Variants in ANKRD17 observed in about 807,000 individuals in gnomAD.
ANKRD17 encodes the protein ankyrin repeat domain 17, also known as ankyrin repeat domain-containing protein 17.
A neutral mutation model predicts 229.7 loss-of-function variants in ANKRD17; 19 were observed. That is an observed-to-expected ratio of 0.08 (90% CI 0.06 to 0.12). The LOEUF is 0.12. Ranked by LOEUF, ANKRD17 falls within the 10% of genes least tolerant of loss-of-function variation. ANKRD17 has a pLI of 1.00. For synonymous variants in ANKRD17, 1,112 were observed against 1,146.1 expected (o/e 0.97, Z 0.60); for missense variants, 2,176 against 3,176.8 (o/e 0.68, Z 7.57).
intron 2 of ANKRD17, among the ~76,000 whole-genome samples, chr4:73,164,737 A>G (rs1322447571): frequency 6.6e-6 from 1 of 151,868 alleles, no homozygotes; most frequent in Non-Finnish European, 1.5e-5. Flanking sequence ...GGTTGCAGTG[A>G]GCCAAGATTG....
intron 30 of ANKRD17, among the ~76,000 whole-genome samples, chr4:73,079,400 A>T (rs191346964): frequency 3.5e-4 from 54 of 152,238 alleles, no homozygotes; most frequent in Non-Finnish European, 6.5e-4. Flanking sequence ...TATTTTATTT[A>T]TGTATTTTTG....
At chr4:73,215,100 T>G (rs993689492) in intron 1 of ANKRD17, among the ~76,000 whole-genome samples, 1 of 152,110 alleles carries the variant, frequency 6.6e-6, no homozygotes, top group African/African-American at 2.4e-5. Flanking sequence ...CAAGAACGAA[T>G]GATATGAGCC....
At position 73,092,062 on chromosome 4, in the gene ANKRD17, C is replaced by A. The variant is rs1722847324; in HGVS notation, c.5566G>T (p.Ala1856Ser). Residue 1856 changes from alanine (A) to serine (S), a missense_variant, in exon 29 of 34, where the codon GCA (alanine) becomes TCA (serine). Ala to Ser is a moderately conservative substitution (Grantham distance 99, BLOSUM62 1). Transcript: ENST00000358602. ...SQTATALTVPAISSASTHKTI... is the reference protein window; with the variant it reads ...SQTATALTVPSISSASTHKTI... ...TTGTGAGTGGATGCAGAAGAAATTG[C>A]AGGCACAGTGAGTGCTGTGGCAGTT... The A allele has an allele frequency of 6.2e-7, 1 of 1,614,062 alleles. No homozygotes were observed. Among genetic ancestry groups the A allele is most frequent in the Non-Finnish European group, 8.5e-7 (1 of 1,180,046 alleles).
At position 73,258,083 on chromosome 4, in the gene ANKRD17, C is replaced by A. The variant is rs573742524; in HGVS notation, c.393+193G>T. On this transcript the variant is annotated intron_variant, in intron 1 of 33. Coordinates refer to ENST00000358602, the MANE Select transcript of ANKRD17 (RefSeq NM_032217.5). Reference sequence around the variant, plus strand: ...TGTGAACTCCGTGGTCCTCCCACCCCCACGTGTCAGCTACCCTCCCCCACA... The same window carrying A: ...TGTGAACTCCGTGGTCCTCCCACCCACACGTGTCAGCTACCCTCCCCCACA... Among the ~76,000 whole-genome samples the A allele has an allele frequency of 4.6e-5, 7 of 152,012 alleles. No homozygotes were observed. In the South Asian group the frequency reaches 1.2e-3, roughly 27 times the overall value.
At position 73,177,402 on chromosome 4, in the gene ANKRD17, C is replaced by T. The variant is rs763420010; in HGVS notation, c.525G>A (p.Leu175=). 1.9e-6 allele frequency: 3 copies of T among 1,609,676 alleles called. No homozygotes were observed. Among genetic ancestry groups the T allele is most frequent in the Non-Finnish European group, 2.5e-6 (3 of 1,177,168 alleles). ...RTVDPETQAR[L]EALLEAAGIG... ...TACCTGCAGCTTCTAGTAAAGCTTC[C>T]AGTCTAGCCTGTGTTTCTGGATCTA... The change falls in exon 2 of 34, where the codon CTG becomes CTA. Residue 175 remains leucine, a synonymous_variant. Transcript: ENST00000358602.
In ANKRD17 at chr4:73,201,350, C is replaced by A. The variant is rs550691539; in HGVS notation, c.394-23817G>T. Among the ~76,000 whole-genome samples the A allele has an allele frequency of 3.3e-5, 5 of 151,582 alleles. No homozygotes were observed. In the South Asian group the frequency reaches 8.3e-4, roughly 25 times the overall value. ...TTACTATAGGGAAATTGGAAATAAC[C>A]CAGTTATGCAACAACACAAATGCAC... On this transcript the variant is annotated intron_variant, in intron 1 of 33. Transcript: ENST00000358602.
intron 2 of ANKRD17, among the ~76,000 whole-genome samples, chr4:73,164,390 G>A (rs1188888615): frequency 6.6e-6 from 1 of 152,188 alleles, no homozygotes; most frequent in Non-Finnish European, 1.5e-5. Context: ...GACATAGATG[G>A]TAACCTTTCA....
intron 30 of ANKRD17, among the ~76,000 whole-genome samples, chr4:73,082,894 A>G (rs1577988792): frequency 6.6e-6 from 1 of 152,224 alleles, no homozygotes; most frequent in East Asian, 1.9e-4. Context: ...CATATATTAG[A>G]TAATAATATA....
chr4:73,173,684 G>A (rs917689345), intron 2 of ANKRD17, among the ~76,000 whole-genome samples: 19 of 152,232 alleles, frequency 1.2e-4, no homozygotes, highest in Admixed American at 1.2e-3. Context: ...ATGTCCACTG[G>A]GGAATCTGAA....
intron 1 of ANKRD17, among the ~76,000 whole-genome samples, chr4:73,241,000 G>A (rs1415640642): frequency 2.0e-5 from 3 of 151,582 alleles, no homozygotes; most frequent in Non-Finnish European, 4.4e-5. Flanking sequence ...TAATAGAGAC[G>A]GGGTTTCACC....
chr4:73,196,764 GATA>G (rs1467573951), intron 1 of ANKRD17, among the ~76,000 whole-genome samples: 2 of 152,160 alleles, frequency 1.3e-5, no homozygotes, highest in East Asian at 3.8e-4. Flanking sequence ...TAAGTAAATA[GATA>G]ATAATGTTTG....
intron 1 of ANKRD17, among the ~76,000 whole-genome samples, chr4:73,233,378 C>CA (rs1743238341): frequency 6.6e-6 from 1 of 152,032 alleles, no homozygotes; most frequent in Admixed American, 6.6e-5. Flanking sequence ...TAATTAAGCC[C>CA]ATTTTATACA....
intron 18 of ANKRD17, among the ~76,000 whole-genome samples, chr4:73,122,036 T>C (rs1726807016): frequency 6.6e-6 from 1 of 152,140 alleles, no homozygotes. Context: ...GCTTTGGAAA[T>C]TAATATTTGT....
Position 73,135,270 on chromosome 4 carries a change from T to A in ANKRD17, c.3086-5A>T. 1 of 1,607,442 alleles carries A rather than the reference T, an allele frequency of 6.2e-7. No homozygotes were observed. Among genetic ancestry groups the A allele is most frequent in the Middle Eastern group, 1.7e-4 (1 of 6,032 alleles). On this transcript the variant is annotated splice_region_variant and splice_polypyrimidine_tract_variant and intron_variant, in intron 15 of 33. Transcript: ENST00000358602. ...CAGATGCTCTTCCACTGACTGCTGT[T>A]GAACAAAATAACTGCACTTAATAAG...
chr4:73,200,987 C>CA (rs71655742), intron 1 of ANKRD17, among the ~76,000 whole-genome samples: 1 of 39,388 alleles, frequency 2.5e-5, no homozygotes, highest in East Asian at 8.4e-4. Flanking sequence ...ACAGTATGGG[C>CA]GGGGGGGGGG....
chr4:73,098,312 A>G lies in ANKRD17; in HGVS notation c.4782T>C (p.Ser1594=), dbSNP rs2110207455. ...IFDDPLPISY[S]QPEKVNGESK... ...ACTCTCCATTCACCTTCTCTGGCTGACTGTATGAAATTGGTAGTGGATCAT... is the reference window on the plus strand; with the variant it reads ...ACTCTCCATTCACCTTCTCTGGCTGGCTGTATGAAATTGGTAGTGGATCAT... The change falls in exon 26 of 34, where the codon AGT becomes AGC. Residue 1594 remains serine (S), a synonymous_variant. Coordinates refer to ENST00000358602, the MANE Select transcript of ANKRD17 (RefSeq NM_032217.5). The G allele has an allele frequency of 1.9e-6, 3 of 1,614,182 alleles. No individual in the cohort carries two copies. The African/African-American group carries it at 4.0e-5, about 22-fold the overall frequency.
chr4:73,117,142 G>A (rs1726072909), intron 22 of ANKRD17, among the ~76,000 whole-genome samples: 1 of 152,106 alleles, frequency 6.6e-6, no homozygotes, highest in Non-Finnish European at 1.5e-5. Context: ...AGATCTCGAT[G>A]TGAACTCAAA....
At chr4:73,148,359 C>T (rs1730561905) in intron 8 of ANKRD17, among the ~76,000 whole-genome samples, 1 of 152,066 alleles carries the variant, frequency 6.6e-6, no homozygotes, top group African/African-American at 2.4e-5. Context: ...GTACTGAGCC[C>T]CTTGGCAGCT....
chr4:73,158,109 AAAG>A (rs1457568513), intron 3 of ANKRD17, among the ~76,000 whole-genome samples: 1 of 148,318 alleles, frequency 6.7e-6, no homozygotes, highest in Non-Finnish European at 1.5e-5. Context: ...GAAAGGAAGG[AAAG>A]AAGGAGAGAA....
Sources: allele counts gnomAD v4.1 joint callset (sites outside exome capture counted in the v4.1 genomes callset), GRCh38; gene constraint gnomAD v4.1.1; transcripts MANE v1.5; gene names NCBI Gene and HGNC (gene_info 2026-07-23, HGNC 2026-07-21).